The following ATR variants were observed in gnomAD, a reference collection of about 807,000 sequenced individuals.
The protein encoded by ATR is serine/threonine-protein kinase ATR.
In ATR, 142 loss-of-function variants were observed where a neutral mutation model predicts 305.3. The observed-to-expected ratio is 0.47, with a 90% CI of 0.41 to 0.53. The LOEUF is 0.53. ATR is among the 20% of genes least tolerant of loss of function. The pLI, the probability that ATR is intolerant of heterozygous loss-of-function variation, is 0.00. For synonymous variants in ATR, 1,050 were observed against 1,068.1 expected (o/e 0.98, Z 0.33); for missense variants, 2,135 against 3,133.1 (o/e 0.68, Z 7.60).
At chr3:142,494,232 T>A (rs551986706) in intron 34 of ATR, among the ~76,000 whole-genome samples, 2 of 152,158 alleles carry the variant, frequency 1.3e-5, no homozygotes, top group African/African-American at 4.8e-5. Flanking sequence ...CCACTTTATA[T>A]AAAGGACTTG....
chr3:142,567,654 C>T (rs769081744), intron 2 of ATR, among the ~76,000 whole-genome samples: 2 of 152,194 alleles, frequency 1.3e-5, no homozygotes, highest in Non-Finnish European at 2.9e-5. Context: ...ATCCTATAAT[C>T]TCCTATAGGC....
chr3:142,503,223 A>G (rs1006236294), intron 30 of ATR, 139 bp downstream of exon 30: 1 of 615,470 alleles, frequency 1.6e-6, no homozygotes, highest in African/African-American at 1.9e-5. Flanking sequence ...GGAAAAAAAA[A>G]TGTTGGTGCT....
At chr3:142,485,526 C>G (rs928632294) in intron 35 of ATR, among the ~76,000 whole-genome samples, 1 of 152,054 alleles carries the variant, frequency 6.6e-6, no homozygotes, top group African/African-American at 2.4e-5. Context: ...TGGAAGAATT[C>G]GCAACTTAGG....
chr3:142,577,659 C>T (rs2035483697), intron 1 of ATR, among the ~76,000 whole-genome samples: 1 of 152,190 alleles, frequency 6.6e-6, no homozygotes, highest in Admixed American at 6.5e-5. Context: ...AGTAGCTATC[C>T]CATTGGCTTA....
intron 1 of ATR, among the ~76,000 whole-genome samples, chr3:142,575,468 CAAAAAA>C (rs72100236): frequency 8.2e-6 from 1 of 122,058 alleles, no homozygotes; most frequent in Admixed American, 8.5e-5. Context: ...GACTCCGTCT[CAAAAAA>C]AAAAAAAAAA....
At chr3:142,490,727 A>C (rs2031227840) in intron 35 of ATR, among the ~76,000 whole-genome samples, 1 of 152,064 alleles carries the variant, frequency 6.6e-6, no homozygotes, top group African/African-American at 2.4e-5. Flanking sequence ...CCTCATACAG[A>C]TATCCAACTG....
chr3:142,450,144 C>T, intron 46 of ATR: 1 of 370,594 alleles, frequency 2.7e-6, no homozygotes, highest in Non-Finnish European at 5.0e-6. Flanking sequence ...AGGAGGGCCA[C>T]GGGGTGGAGA....
intron 3 of ATR, 22 bp from the exon 4 acceptor site, chr3:142,563,131 T>A: frequency 6.3e-7 from 1 of 1,590,260 alleles, no homozygotes; most frequent in Non-Finnish European, 8.5e-7. Context: ...ACAAAAAAGA[T>A]ATTAAATAAA....
chr3:142,530,847 T>C (rs2033610345), intron 21 of ATR, among the ~76,000 whole-genome samples: 1 of 152,218 alleles, frequency 6.6e-6, no homozygotes, highest in Admixed American at 6.5e-5. Context: ...ACCTTCCCTG[T>C]AGCCAGTAGT....
At chr3:142,550,541 A>C (rs2034437149) in intron 13 of ATR, among the ~76,000 whole-genome samples, 1 of 152,224 alleles carries the variant, frequency 6.6e-6, no homozygotes, top group African/African-American at 2.4e-5. Flanking sequence ...CCACAAATAA[A>C]TTCAGTATTT....
At chr3:142,514,325 C>T (rs918342905) in intron 25 of ATR, among the ~76,000 whole-genome samples, 1 of 149,756 alleles carries the variant, frequency 6.7e-6, no homozygotes, top group African/African-American at 2.5e-5. Context: ...TATTTTAAAA[C>T]ACTAACAGAA....
intron 36 of ATR, among the ~76,000 whole-genome samples, chr3:142,474,515 A>G (rs1456838884): frequency 6.6e-6 from 1 of 152,080 alleles, no homozygotes; most frequent in Non-Finnish European, 1.5e-5. Context: ...TGTCTTCTTA[A>G]TTTATCTGCA....
In ATR at chr3:142,497,025, C is replaced by T. The variant is rs2108335511; in HGVS notation, c.5726G>A (p.Ser1909Asn). The T allele has an allele frequency of 6.2e-7, 1 of 1,612,488 alleles. No individual in the cohort carries two copies. The highest frequency in any genetic ancestry group is 1.3e-5 in the African/African-American group (1 of 74,878). Residue 1909 changes from serine (S) to asparagine (N), a missense_variant, in exon 33 of 47, where the codon AGC (serine) becomes AAC (asparagine). Transcript: ENST00000350721. Reference sequence around the variant, plus strand: ...TAGTGTGAGAAACCTTTTGTTGAGGCTTAGTAAAGCCCTCCGGAGAGCCAG... The same window carrying T: ...TAGTGTGAGAAACCTTTTGTTGAGGTTTAGTAAAGCCCTCCGGAGAGCCAG... Reference protein sequence around the residue: ...PILALRRALLSLNKRPDYNEM... With the variant: ...PILALRRALLNLNKRPDYNEM...
chr3:142,497,836 A>C (rs998707127), intron 32 of ATR, among the ~76,000 whole-genome samples: 1 of 152,182 alleles, frequency 6.6e-6, no homozygotes, highest in Non-Finnish European at 1.5e-5. Context: ...ATAGTAAAAA[A>C]TTATGAAATT....
At chr3:142,455,598 A>C (rs1247936011) in intron 45 of ATR, among the ~76,000 whole-genome samples, 1 of 149,588 alleles carries the variant, frequency 6.7e-6, no homozygotes. Context: ...AAATCAATTG[A>C]CCATTTCAAC....
At chr3:142,456,446 C>T (rs1247987818) in intron 45 of ATR, among the ~76,000 whole-genome samples, 1 of 152,114 alleles carries the variant, frequency 6.6e-6, no homozygotes. Flanking sequence ...CTCATGCACA[C>T]ATGCTGTCCC....
intron 42 of ATR, 35 bp from the exon 43 acceptor site, chr3:142,459,418 G>C (rs775098793): frequency 1.2e-6 from 2 of 1,610,026 alleles, no homozygotes; most frequent in Non-Finnish European, 1.7e-6. Flanking sequence ...AATCACATCA[G>C]CCAAATGAAA....
intron 36 of ATR, among the ~76,000 whole-genome samples, chr3:142,480,759 T>C (rs2030380811): frequency 6.6e-6 from 1 of 152,212 alleles, no homozygotes; most frequent in Non-Finnish European, 1.5e-5. Context: ...CCAGCCACTT[T>C]GTTTACCTAC....
intron 41 of ATR, 131 bp from the exon 42 acceptor site, chr3:142,462,221 A>C: frequency 3.5e-6 from 3 of 865,960 alleles, no homozygotes; most frequent in Non-Finnish European, 3.5e-6. Context: ...TGTGGTATAC[A>C]TGAATAATTC....
Sources: gnomAD v4.1 joint callset for allele counts (sites outside exome capture counted in the v4.1 genomes callset) on GRCh38, gnomAD v4.1.1 for gene constraint, MANE v1.5 for transcripts, NCBI Gene and HGNC (gene_info 2026-07-23, HGNC 2026-07-21) for gene names.